HPSE: variants seen among roughly 807,000 people sequenced by gnomAD.
HPSE encodes the protein heparanase.
HPSE carries 48 observed loss-of-function variants against 65.1 expected under a neutral mutation model. That is an observed-to-expected ratio of 0.74 (90% confidence interval 0.58 to 0.94). The LOEUF is 0.94. HPSE is among the 40% of genes least tolerant of loss of function. HPSE has a pLI of 0.00. For missense variants in HPSE, 644 were observed against 637.5 expected (o/e 1.01, Z -0.11); for synonymous variants, 243 against 260.0 (o/e 0.93, Z 0.63).
At chr4:83,319,558 A>T in intron 2 of HPSE, 89 bp from the exon 3 acceptor site, 1 of 1,327,730 alleles carries the variant, frequency 7.5e-7, no homozygotes, top group Non-Finnish European at 1.1e-6. Flanking sequence ...TATTTATGTG[A>T]CTAAAGCAGG....
At chr4:83,312,980 C>CCA in intron 4 of HPSE, 134 bp downstream of exon 4, 1 of 522,946 alleles carries the variant, frequency 1.9e-6, no homozygotes, top group Non-Finnish European at 3.2e-6. Flanking sequence ...CGAGGTGGCG[C>CCA]CACTGCACTC....
rs1736810948 is a variant in HPSE at position 83,319,879 on chromosome 4, G to A, written c.374-410C>T. On this transcript the variant is annotated intron_variant, in intron 2 of 11. Transcript: ENST00000311412. Reference sequence around the variant, plus strand: ...AGTTCGAGACCAGCCTGGCCAAATGGTGAAACCTCGTCTCTACTAAAATAC... The same window carrying A: ...AGTTCGAGACCAGCCTGGCCAAATGATGAAACCTCGTCTCTACTAAAATAC... Among the ~76,000 whole-genome samples the A allele has an allele frequency of 2.0e-5, 3 of 151,914 alleles. No individual in the cohort carries two copies. The South Asian group carries it at 6.2e-4, about 32-fold the overall frequency.
intron 6 of HPSE, 57 bp downstream of exon 6, chr4:83,309,974 G>A (rs2126187663): frequency 8.0e-7 from 1 of 1,250,020 alleles, no homozygotes; most frequent in Non-Finnish European, 1.1e-6. Context: ...TTGAATACTA[G>A]GTAATAAATA....
Position 83,310,706 on chromosome 4 carries a change from A to C in HPSE, c.842+16T>G. The C allele has an allele frequency of 6.3e-7, 1 of 1,584,766 alleles. No individual in the cohort carries two copies. Among genetic ancestry groups the C allele is most frequent in the Non-Finnish European group, 8.6e-7 (1 of 1,167,048 alleles). On this transcript the variant is annotated intron_variant, in intron 5 of 11. Transcript: ENST00000311412. ...AAGAAGAAAAGTAAAGTGATTCTGCATCCTCTAGTTCCTACCTCTTCAGCA... is the reference window on the plus strand; with the variant it reads ...AAGAAGAAAAGTAAAGTGATTCTGCCTCCTCTAGTTCCTACCTCTTCAGCA...
chr4:83,296,960 AC>A (rs1246563508), intron 11 of HPSE, among the ~76,000 whole-genome samples: 1 of 152,218 alleles, frequency 6.6e-6, no homozygotes, highest in East Asian at 1.9e-4. Flanking sequence ...GTTTTGGTCC[AC>A]CATGGACCGC....
intron 11 of HPSE, among the ~76,000 whole-genome samples, chr4:83,297,456 T>A (rs1163024171): frequency 6.6e-6 from 1 of 151,800 alleles, no homozygotes; most frequent in Non-Finnish European, 1.5e-5. Context: ...ATCCACTACA[T>A]AATTTTAATG....
intron 4 of HPSE, among the ~76,000 whole-genome samples, chr4:83,311,238 G>A (rs1045827175): frequency 6.6e-6 from 1 of 152,118 alleles, no homozygotes; most frequent in Admixed American, 6.5e-5. Context: ...CCAGAAGGTC[G>A]AGGCCATAGT....
chr4:83,330,319 A>T (rs1737315260), intron 1 of HPSE, among the ~76,000 whole-genome samples: 1 of 152,234 alleles, frequency 6.6e-6, no homozygotes, highest in Admixed American at 6.5e-5. Context: ...TTCTGTGAGG[A>T]GGACAGAGCA....
chr4:83,329,767 G>C (rs982175575), intron 1 of HPSE, among the ~76,000 whole-genome samples: 1 of 152,156 alleles, frequency 6.6e-6, no homozygotes, highest in Non-Finnish European at 1.5e-5. Flanking sequence ...AACTGAGACA[G>C]TTTATCTAGG....
At chr4:83,310,560 T>A (rs1424778254) in intron 5 of HPSE, among the ~76,000 whole-genome samples, 162 bp downstream of exon 5, 1 of 152,082 alleles carries the variant, frequency 6.6e-6, no homozygotes, top group Non-Finnish European at 1.5e-5. Flanking sequence ...TAGTCCCAGC[T>A]ATTTGTGGGA....
At chr4:83,308,710 A>C (rs1459330913) in intron 8 of HPSE, 135 bp downstream of exon 8, 2 of 662,692 alleles carry the variant, frequency 3.0e-6, no homozygotes, top group East Asian at 5.2e-5. Flanking sequence ...TTCTTGCAAA[A>C]TCTGGCATGA....
intron 2 of HPSE, 58 bp from the exon 3 acceptor site, chr4:83,319,527 G>T (rs12501124): frequency 0.78 from 1,196,386 of 1,535,742 alleles, 467,005 homozygotes; most frequent in East Asian, 0.85. Context: ...GACTGAAATC[G>T]CATATATTTA....
intron 11 of HPSE, 85 bp downstream of exon 11, chr4:83,300,875 C>A: frequency 1.5e-6 from 1 of 685,750 alleles, no homozygotes; most frequent in Non-Finnish European, 2.2e-6. Context: ...TTGACTTTGT[C>A]TTTTGCTCCC....
chr4:83,299,969 T>C (rs989511789), intron 11 of HPSE, among the ~76,000 whole-genome samples: 1 of 152,144 alleles, frequency 6.6e-6, no homozygotes, highest in East Asian at 1.9e-4. Context: ...TCCCAAAGTG[T>C]TGGGATTACA....
In HPSE at chr4:83,334,701, C is replaced by T. The variant is rs1450696583; in HGVS notation, c.82G>A (p.Ala28Thr). Reference protein sequence around the residue: ...LGPLGPLSPGALPRPAQAQDV... With the variant: ...LGPLGPLSPGTLPRPAQAQDV... ...TGTGCTTGCGCAGGTCGGGGCAGGG[C>T]GCCAGGGGAGAGGGGACCCAGCGGC... Residue 28 changes from alanine (A) to threonine (T), a missense_variant, in exon 1 of 12, where the codon GCC becomes ACC. Transcript: ENST00000311412. 3.2e-6 allele frequency: 5 copies of T among 1,569,366 alleles called. No individual in the cohort carries two copies. The Admixed American group carries it at 5.6e-5, about 18-fold the overall frequency.
chr4:83,331,684 T>C (rs535966614), intron 1 of HPSE, among the ~76,000 whole-genome samples: 4 of 152,354 alleles, frequency 2.6e-5, no homozygotes, highest in African/African-American at 9.6e-5. Context: ...TTTGCCATCA[T>C]GGAGACTAGA....
chr4:83,305,231 G>GT (rs1276123796), intron 9 of HPSE, among the ~76,000 whole-genome samples: 1 of 152,170 alleles, frequency 6.6e-6, no homozygotes, highest in Non-Finnish European at 1.5e-5. Flanking sequence ...AGATAAAAAG[G>GT]TCAGGAGTAG....
At chr4:83,320,488 C>T (rs553654494) in intron 2 of HPSE, among the ~76,000 whole-genome samples, 5 of 152,044 alleles carry the variant, frequency 3.3e-5, no homozygotes, top group African/African-American at 1.2e-4. Context: ...ATGCCTTGAG[C>T]CTGGGAGGCA....
intron 1 of HPSE, among the ~76,000 whole-genome samples, chr4:83,324,343 GT>G (rs975375256): frequency 1.3e-5 from 2 of 151,900 alleles, no homozygotes; most frequent in Admixed American, 6.6e-5. Flanking sequence ...AAAATTTAAA[GT>G]TTTAAGATGT....
Sources: gnomAD v4.1 joint callset for allele counts (sites outside exome capture counted in the v4.1 genomes callset) on GRCh38, gnomAD v4.1.1 for gene constraint, MANE v1.5 for transcripts, NCBI Gene and HGNC (gene_info 2026-07-23, HGNC 2026-07-21) for gene names.